GALNT17: variants seen among roughly 807,000 people sequenced by gnomAD.
GALNT17 encodes UDP-GalNAc:polypeptide N-acetylgalactosaminyltransferase-like 3.
Under a neutral mutation model 63.7 loss-of-function variants are expected in GALNT17, and 29 were observed. The ratio of observed to expected loss-of-function variants is 0.46; its 90% confidence interval spans 0.34 to 0.62. The LOEUF is 0.62. Ranked by LOEUF, GALNT17 falls within the 20% of genes least tolerant of loss-of-function variation. GALNT17 has a pLI of 0.01. For missense variants in GALNT17, 603 were observed against 799.6 expected (o/e 0.75, Z 2.97); for synonymous variants, 305 against 318.3 (o/e 0.96, Z 0.45).
intron 5 of GALNT17, among the ~76,000 whole-genome samples, chr7:71,557,517 G>T (rs1584048245): frequency 3.3e-5 from 5 of 152,134 alleles, no homozygotes; most frequent in Admixed American, 3.3e-4. Context: ...TTCCTAGCTG[G>T]GTGCAGTGGC....
At chr7:71,251,584 A>AT (rs1405411607) in intron 1 of GALNT17, among the ~76,000 whole-genome samples, 2 of 151,530 alleles carry the variant, frequency 1.3e-5, no homozygotes, top group African/African-American at 2.4e-5. Flanking sequence ...TAATTTAAAA[A>AT]TTTTTTTCGT....
At chr7:71,528,011 G>C (rs1788653382) in intron 5 of GALNT17, among the ~76,000 whole-genome samples, 2 of 152,166 alleles carry the variant, frequency 1.3e-5, no homozygotes, top group Non-Finnish European at 2.9e-5. Flanking sequence ...TCAACCCAAA[G>C]GGTCTTGGCA....
intron 5 of GALNT17, among the ~76,000 whole-genome samples, chr7:71,558,904 G>A (rs1008211005): frequency 1.4e-4 from 21 of 152,122 alleles, no homozygotes; most frequent in Non-Finnish European, 4.4e-5. Context: ...GTCACCACTG[G>A]CGTTTTTTTC....
chr7:71,259,766 T>C (rs1190263287), intron 1 of GALNT17, among the ~76,000 whole-genome samples: 1 of 150,696 alleles, frequency 6.6e-6, no homozygotes, highest in East Asian at 2.0e-4. Flanking sequence ...CTCAGCCTCC[T>C]GGGTAGCTGG....
intron 7 of GALNT17, among the ~76,000 whole-genome samples, chr7:71,666,904 T>C (rs1790994045): frequency 1.3e-5 from 2 of 152,234 alleles, no homozygotes; most frequent in Non-Finnish European, 2.9e-5. Context: ...ATATAAAGGG[T>C]TGGCTGTACC....
intron 5 of GALNT17, among the ~76,000 whole-genome samples, chr7:71,435,520 T>A (rs1786942576): frequency 6.6e-6 from 1 of 152,112 alleles, no homozygotes; most frequent in Non-Finnish European, 1.5e-5. Flanking sequence ...CTAAGATCAG[T>A]GCTTGAGATA....
chr7:71,424,903 C>T (rs60739260), intron 5 of GALNT17, among the ~76,000 whole-genome samples: 7,718 of 152,180 alleles, frequency 0.051, 640 homozygotes, highest in African/African-American at 0.17. Flanking sequence ...TGAGACTTCC[C>T]GGTAAGCAAC....
At chr7:71,487,092 T>C (rs1197647455) in intron 5 of GALNT17, among the ~76,000 whole-genome samples, 1 of 152,176 alleles carries the variant, frequency 6.6e-6, no homozygotes, top group African/African-American at 2.4e-5. Flanking sequence ...CAGCTGTGCG[T>C]CAGAGCTCCC....
intron 5 of GALNT17, among the ~76,000 whole-genome samples, chr7:71,456,229 G>A (rs1787353296): frequency 6.6e-6 from 1 of 152,002 alleles, no homozygotes; most frequent in Non-Finnish European, 1.5e-5. Context: ...CTTGGTAACA[G>A]AGTAAAACTC....
intron 2 of GALNT17, among the ~76,000 whole-genome samples, chr7:71,346,333 A>G (rs974915462): frequency 6.6e-6 from 1 of 152,196 alleles, no homozygotes; most frequent in Admixed American, 6.5e-5. Flanking sequence ...ATGAGTAATA[A>G]TAATAAGTAG....
chr7:71,453,555 T>G (rs899644458), intron 5 of GALNT17, among the ~76,000 whole-genome samples: 5 of 152,202 alleles, frequency 3.3e-5, no homozygotes, highest in Non-Finnish European at 5.9e-5. Flanking sequence ...TCCCCCATGA[T>G]TTAATTACCT....
Position 71,680,742 on chromosome 7 carries a change from TTTC to T in GALNT17, c.1500+3440_1500+3442del, listed in dbSNP as rs1171029798. Among the ~76,000 whole-genome samples the T allele has an allele frequency of 5.2e-4, 34 of 65,498 alleles. 1 individual carries two copies. The highest frequency in any genetic ancestry group is 1.4e-3 in the African/African-American group (32 of 22,106). 43.0% of individuals were successfully genotyped at this position (65,498 alleles called of 152,430 possible). ...CCTCCCTCTCTCCCTCCCTCCTTCC[TTTC>T]TTCCTTTCCTTTTGTTTCCTTTCCC... On this transcript the variant is annotated intron_variant, in intron 9 of 10. Transcript: ENST00000333538.
At chr7:71,238,725 TG>T (rs1789940370) in intron 1 of GALNT17, among the ~76,000 whole-genome samples, 1 of 152,222 alleles carries the variant, frequency 6.6e-6, no homozygotes, top group African/African-American at 2.4e-5. Flanking sequence ...GCAGCCTGTC[TG>T]GTGGCCCCGT....
chr7:71,420,513 C>T (rs761907581), intron 4 of GALNT17, among the ~76,000 whole-genome samples: 13 of 152,228 alleles, frequency 8.5e-5, no homozygotes, highest in Admixed American at 2.6e-4. Flanking sequence ...CAGTCAGTGC[C>T]CTGGGGGGAA....
At chr7:71,494,449 G>A (rs1422870334) in intron 5 of GALNT17, among the ~76,000 whole-genome samples, 2 of 152,040 alleles carry the variant, frequency 1.3e-5, no homozygotes, top group Admixed American at 1.3e-4. Flanking sequence ...TGGTTCATAC[G>A]ATCCTCCTGC....
At chr7:71,204,736 G>T (rs576580902) in intron 1 of GALNT17, among the ~76,000 whole-genome samples, 5 of 150,334 alleles carry the variant, frequency 3.3e-5, no homozygotes, top group Non-Finnish European at 5.9e-5. Flanking sequence ...TGCCTACTTT[G>T]TTTTTTTTGT....
At chr7:71,580,061 TGATAGATTA>T (rs980735555) in intron 6 of GALNT17, among the ~76,000 whole-genome samples, 68 of 147,954 alleles carry the variant, frequency 4.6e-4, no homozygotes, top group African/African-American at 1.8e-3. Flanking sequence ...ATGGATAGAA[TGATAGATTA>T]GATAGATGAA....
chr7:71,450,316 G>C (rs1436828629), intron 5 of GALNT17, among the ~76,000 whole-genome samples: 2 of 151,814 alleles, frequency 1.3e-5, no homozygotes, highest in East Asian at 4.0e-4. Context: ...TGTATTTTTA[G>C]TAGAGACGGG....
At chr7:71,283,085 GC>G (rs1467580435) in intron 1 of GALNT17, among the ~76,000 whole-genome samples, 86 of 152,088 alleles carry the variant, frequency 5.7e-4, no homozygotes, top group African/African-American at 2.0e-3. Context: ...ATGCAGGAGT[GC>G]CATGGTGTGA....
Sources: allele counts gnomAD v4.1 joint callset (sites outside exome capture counted in the v4.1 genomes callset), GRCh38; gene constraint gnomAD v4.1.1; transcripts MANE v1.5; gene names NCBI Gene and HGNC (gene_info 2026-07-23, HGNC 2026-07-21).